PRKN: variants seen among roughly 807,000 people sequenced by gnomAD.
PRKN encodes E3 ubiquitin-protein ligase parkin.
A neutral mutation model predicts 59.5 loss-of-function variants in PRKN; 56 were observed. That is an observed-to-expected ratio of 0.94 (90% CI 0.76 to 1.18). The LOEUF (loss-of-function observed/expected upper bound fraction) is 1.18, where lower values mean the gene tolerates loss of function less well. Among genes scored for constraint, PRKN ranks in the 50% most tolerant of loss-of-function variants. The pLI, the probability that PRKN is intolerant of heterozygous loss-of-function variation, is 0.00. For synonymous variants in PRKN, 250 were observed against 222.1 expected (o/e 1.13, Z -1.12); for missense variants, 657 against 596.4 (o/e 1.10, Z -1.06).
intron 7 of PRKN, among the ~76,000 whole-genome samples, chr6:161,713,871 G>A (rs1034088127): frequency 9.2e-5 from 14 of 152,096 alleles, no homozygotes; most frequent in African/African-American, 9.7e-5. Context: ...TGCTGTTCTC[G>A]TGGGAGTGAA....
rs1042555344 is a variant in PRKN at position 161,490,003 on chromosome 6, C to T, written c.1083+58851G>A. ...TAACTCCTGGGTTCTCCTTGCCCAT[C>T]TGTTCCTGCAGTGGCATCAAGCCCC... On this transcript the variant is annotated intron_variant, in intron 9 of 11. Coordinates refer to ENST00000366898, the MANE Select transcript of PRKN (RefSeq NM_004562.3). Among the ~76,000 whole-genome samples the T allele has an allele frequency of 6.6e-4, 101 of 152,254 alleles. 1 individual carries two copies. The highest frequency in any genetic ancestry group is 1.9e-4 in the Non-Finnish European group (13 of 68,042).
intron 6 of PRKN, among the ~76,000 whole-genome samples, chr6:161,814,217 G>C (rs1791673370): frequency 6.6e-6 from 1 of 152,124 alleles, no homozygotes; most frequent in African/African-American, 2.4e-5. Flanking sequence ...TTAATATTGT[G>C]CTGTTTCCAT....
intron 1 of PRKN, among the ~76,000 whole-genome samples, chr6:162,620,363 T>C (rs1782614478): frequency 6.6e-6 from 1 of 152,164 alleles, no homozygotes; most frequent in Non-Finnish European, 1.5e-5. Flanking sequence ...TTATTTTTTT[T>C]CTAACATCAA....
At chr6:161,844,123 T>C (rs925618244) in intron 6 of PRKN, among the ~76,000 whole-genome samples, 1 of 152,108 alleles carries the variant, frequency 6.6e-6, no homozygotes, top group Middle Eastern at 3.4e-3. Context: ...AAAAGTGGAG[T>C]GCTCAGTCTG....
At chr6:162,309,966 G>A (rs1266435703) in intron 2 of PRKN, among the ~76,000 whole-genome samples, 1 of 152,094 alleles carries the variant, frequency 6.6e-6, no homozygotes, top group Non-Finnish European at 1.5e-5. Context: ...TGCTGTGTTT[G>A]GTTTTCCCTT....
At chr6:161,965,757 A>C (rs1780554309) in intron 6 of PRKN, among the ~76,000 whole-genome samples, 1 of 152,024 alleles carries the variant, frequency 6.6e-6, no homozygotes, top group Non-Finnish European at 1.5e-5. Context: ...CTATAGGTAA[A>C]TTTAAACACT....
intron 2 of PRKN, among the ~76,000 whole-genome samples, chr6:162,341,214 C>T (rs9365404): frequency 0.015 from 2,350 of 152,240 alleles, 51 homozygotes; most frequent in East Asian, 0.11. Flanking sequence ...GAGATACCAT[C>T]TCATGCCAGT....
rs1298222110 is a variant in PRKN, at chr6:161,444,100, C to T, written c.1084-57223G>A. On this transcript the variant is annotated intron_variant, in intron 9 of 11. Coordinates refer to ENST00000366898, the MANE Select transcript of PRKN (RefSeq NM_004562.3). This position sits in a 1 kb window ranked among gnomAD's most constrained non-coding sequence, Gnocchi z 5.6. ...TGGGTGGGGCCGGTGAGCTCTGGAGCTTCTGGCTCCTGGACTGGGGGACTG... is the reference window on the plus strand; with the variant it reads ...TGGGTGGGGCCGGTGAGCTCTGGAGTTTCTGGCTCCTGGACTGGGGGACTG... Among the ~76,000 whole-genome samples, 1 of 152,194 alleles carries T rather than the reference C, an allele frequency of 6.6e-6. No individual in the cohort carries two copies. Among genetic ancestry groups the T allele is most frequent in the Non-Finnish European group, 1.5e-5 (1 of 68,040 alleles).
intron 2 of PRKN, among the ~76,000 whole-genome samples, chr6:162,304,967 C>T (rs1348773569): frequency 1.3e-5 from 2 of 152,290 alleles, no homozygotes; most frequent in South Asian, 4.1e-4. Flanking sequence ...GGGCCACTCC[C>T]AACCCATCTA....
At chr6:161,691,062 C>CCATCCATA (rs1288891457) in intron 7 of PRKN, among the ~76,000 whole-genome samples, 1 of 151,932 alleles carries the variant, frequency 6.6e-6, no homozygotes, top group East Asian at 1.9e-4. Flanking sequence ...ATCCATCCAT[C>CCATCCATA]CATCCATCCA....
Position 162,258,016 on chromosome 6 carries a change from G to A in PRKN, c.412+4509C>T, listed in dbSNP as rs887025616. ...AGCTCCACCCCATACTGGCTGCTGCGTTTTCTGGGCGGGGGCCTGCCTGGG... is the reference window on the plus strand; with the variant it reads ...AGCTCCACCCCATACTGGCTGCTGCATTTTCTGGGCGGGGGCCTGCCTGGG... On this transcript the variant is annotated intron_variant, in intron 3 of 11. Transcript: ENST00000366898. 3.9e-5 allele frequency among the ~76,000 whole-genome samples: 6 copies of A among 152,126 alleles called. No homozygotes were observed. In the East Asian group the frequency reaches 5.8e-4, roughly 15 times the overall value.
intron 1 of PRKN, among the ~76,000 whole-genome samples, chr6:162,508,184 T>C (rs1215935595): frequency 1.3e-5 from 2 of 152,118 alleles, no homozygotes; most frequent in African/African-American, 4.8e-5. Context: ...AAATCCCTGA[T>C]AAACCCATTA....
intron 1 of PRKN, among the ~76,000 whole-genome samples, chr6:162,602,388 G>A (rs1208036542): frequency 6.6e-6 from 1 of 152,220 alleles, no homozygotes; most frequent in South Asian, 2.1e-4. Flanking sequence ...AGCATTGAAG[G>A]TGAGGGTAAT....
At chr6:162,103,801 T>A (rs1294790945) in intron 4 of PRKN, among the ~76,000 whole-genome samples, 1 of 152,184 alleles carries the variant, frequency 6.6e-6, no homozygotes, top group Non-Finnish European at 1.5e-5. Context: ...TTTAGCACTG[T>A]CCCTTAGGAG....
chr6:162,289,171 G>A (rs934952353), intron 2 of PRKN, among the ~76,000 whole-genome samples: 1 of 152,142 alleles, frequency 6.6e-6, no homozygotes, highest in Admixed American at 6.5e-5. Context: ...TCTGAGGGCT[G>A]GGAGAGAAGG....
At chr6:161,991,144 A>G (rs1419275721) in intron 5 of PRKN, among the ~76,000 whole-genome samples, 1 of 152,198 alleles carries the variant, frequency 6.6e-6, no homozygotes, top group Non-Finnish European at 1.5e-5. Context: ...TTCTACCAAC[A>G]AAGCTATCTT....
rs976429439 is a variant in PRKN at position 162,469,719 on chromosome 6, G to A, written c.8-26246C>T. ...CTAAGAATGACACAGTGGACTCTGG[G>A]GACTCAACAGGAAAGGATGGGAAGG... On this transcript the variant is annotated intron_variant, in intron 1 of 11. Coordinates refer to ENST00000366898, the MANE Select transcript of PRKN (RefSeq NM_004562.3). Among the ~76,000 whole-genome samples, 59 of 152,036 alleles carry A rather than the reference G, an allele frequency of 3.9e-4. 1 individual carries two copies. The highest frequency in any genetic ancestry group is 1.7e-3 in the Admixed American group (26 of 15,282).
chr6:161,921,829 C>G (rs1047782087), intron 6 of PRKN, among the ~76,000 whole-genome samples: 1 of 152,212 alleles, frequency 6.6e-6, no homozygotes, highest in African/African-American at 2.4e-5. Flanking sequence ...CTCTGAGCCA[C>G]TCCTAAATCT....
intron 4 of PRKN, among the ~76,000 whole-genome samples, chr6:162,073,712 A>G (rs906614451): frequency 7.2e-5 from 11 of 152,358 alleles, no homozygotes; most frequent in Non-Finnish European, 1.2e-4. Context: ...TTGGCCTCCC[A>G]AAGTGCTGGG....
Sources: allele counts gnomAD v4.1 joint callset (sites outside exome capture counted in the v4.1 genomes callset), GRCh38; gene constraint gnomAD v4.1.1; non-coding constraint Gnocchi (gnomAD v3.1); transcripts MANE v1.5; gene names NCBI Gene and HGNC (gene_info 2026-07-23, HGNC 2026-07-21).